Variants in OLAH observed in about 807,000 individuals in gnomAD.
OLAH encodes oleoyl-ACP hydrolase.
OLAH carries 33 observed loss-of-function variants against 27.8 expected under a neutral mutation model. The observed-to-expected ratio is 1.19, with a 90% CI of 0.90 to 1.59. The LOEUF is 1.59. Ranked by LOEUF, OLAH falls within the 40% of genes most tolerant of loss-of-function variation. The probability of loss-of-function intolerance (pLI) is 0.00; values close to 1 mark genes in which losing one functional copy is unlikely to be tolerated. For missense variants in OLAH, 359 were observed against 310.8 expected (o/e 1.16, Z -1.17); for synonymous variants, 120 against 102.9 (o/e 1.17, Z -1.01).
chr10:15,068,756 T>C (rs1844520787), intron 6 of OLAH, among the ~76,000 whole-genome samples: 2 of 152,186 alleles, frequency 1.3e-5, no homozygotes, highest in South Asian at 4.1e-4. Flanking sequence ...CTGAAGGTAA[T>C]GTTTTACACC....
intron 7 of OLAH, among the ~76,000 whole-genome samples, chr10:15,072,462 TAAAG>T (rs1258289946): frequency 6.6e-6 from 1 of 152,040 alleles, no homozygotes; most frequent in African/African-American, 2.4e-5. Flanking sequence ...GTGTAAGAGT[TAAAG>T]AAAGAGGAAA....
upstream of OLAH, among the ~76,000 whole-genome samples, chr10:15,043,151 C>T (rs546290189): frequency 1.3e-3 from 195 of 152,160 alleles, 1 homozygote; most frequent in Admixed American, 2.4e-3. Context: ...TGAGCCACCG[C>T]GTCCAGCCAT....
Position 15,073,136 on chromosome 10 carries a change from G to T in OLAH, c.705G>T (p.Gly235=). ...ATGCTAAAATTTACCAGCTTCCAGGGGGTCACTTTTATCTTCTGGATCCTG... is the reference window on the plus strand; with the variant it reads ...ATGCTAAAATTTACCAGCTTCCAGGTGGTCACTTTTATCTTCTGGATCCTG... ...SGNAKIYQLP[G]GHFYLLDPAN... is the part of the protein sequence containing the mutation. The change falls in exon 8 of 8, where the codon GGG becomes GGT. Residue 235 remains glycine, a synonymous_variant. Coordinates refer to ENST00000378228, the MANE Select transcript of OLAH (RefSeq NM_001039702.3). The T allele has an allele frequency of 6.2e-7, 1 of 1,612,842 alleles. No individual in the cohort carries two copies. Among genetic ancestry groups the T allele is most frequent in the Non-Finnish European group, 8.5e-7 (1 of 1,179,012 alleles).
intron 6 of OLAH, among the ~76,000 whole-genome samples, chr10:15,070,561 C>G (rs575753042): frequency 6.6e-6 from 1 of 151,296 alleles, no homozygotes; most frequent in Non-Finnish European, 1.5e-5. Context: ...CTTGGCTCAC[C>G]GCAACCTCTG....
At chr10:15,049,859 G>T in intron 3 of OLAH, 94 bp downstream of exon 3, 1 of 1,178,666 alleles carries the variant, frequency 8.5e-7, no homozygotes, top group Admixed American at 2.8e-5. Context: ...TTCCTTCCTG[G>T]TAGGTAATTG....
chr10:15,049,580 A>G, intron 2 of OLAH, 55 bp from the exon 3 acceptor site: 1 of 1,129,466 alleles, frequency 8.9e-7, no homozygotes, highest in Non-Finnish European at 1.3e-6. Flanking sequence ...GTAATTCAGT[A>G]TAGGGAACTT....
rs190650957 is a variant in OLAH, at chr10:15,046,310, C to T, written c.-163-816C>T. Among the ~76,000 whole-genome samples, 718 of 136,010 alleles carry T rather than the reference C, an allele frequency of 5.3e-3. 5 individuals are homozygous for T. The highest frequency in any genetic ancestry group is 0.019 in the African/African-American group (660 of 34,218). The allele number at this position is 136,010 out of a possible 152,430, so 89.2% of individuals were successfully genotyped here. A position where few individuals can be genotyped will look rare whatever the true frequency, so the allele number is the denominator to read the frequency against. On this transcript the variant is annotated intron_variant, in intron 1 of 7. Transcript: ENST00000378228. ...CAGCCTGGGCAACAGAGTGAGACTCCGTCTCAAAAAAATATAAATAAATAA... is the reference window on the plus strand; with the variant it reads ...CAGCCTGGGCAACAGAGTGAGACTCTGTCTCAAAAAAATATAAATAAATAA...
chr10:15,069,655 T>G (rs1589254359), intron 6 of OLAH, among the ~76,000 whole-genome samples: 2 of 152,220 alleles, frequency 1.3e-5, no homozygotes, highest in East Asian at 3.9e-4. Context: ...TCACTTGAGG[T>G]CAGGAGTTCG....
intron 2 of OLAH, among the ~76,000 whole-genome samples, chr10:15,048,369 C>A (rs559633944): frequency 6.6e-6 from 1 of 152,268 alleles, no homozygotes; most frequent in Non-Finnish European, 1.5e-5. Context: ...AGGTGCCCAC[C>A]ACCACACCCA....
rs1844369530 is a variant in OLAH, at chr10:15,061,781, A to G, written c.221A>G (p.Asp74Gly). Reference protein sequence around the residue: ...ESRVEEPLENDISQLVDEVVC... With the variant: ...ESRVEEPLENGISQLVDEVVC... ...AGAGTTGAAGAACCTCTTGAAAATG[A>G]CATCTCCCAGTTAGTTGATGAAGTT... Residue 74 changes from aspartate (D) to glycine (G), a missense_variant, in exon 4 of 8, where the codon GAC (aspartate) becomes GGC (glycine). Transcript: ENST00000378228. 1.9e-6 allele frequency: 3 copies of G among 1,613,836 alleles called. No homozygotes were observed. In the East Asian group the frequency reaches 6.7e-5, roughly 36 times the overall value.
intron 1 of OLAH, among the ~76,000 whole-genome samples, chr10:15,036,309 G>A (rs1843839787): frequency 1.3e-5 from 2 of 152,028 alleles, no homozygotes; most frequent in African/African-American, 4.8e-5. Flanking sequence ...ACCAGCCTGG[G>A]CAAAATGGCG....
chr10:15,055,578 G>T (rs191078649), intron 3 of OLAH, among the ~76,000 whole-genome samples: 84 of 152,192 alleles, frequency 5.5e-4, no homozygotes, highest in African/African-American at 2.0e-3. Flanking sequence ...AATTCCTAAA[G>T]GTCTTTTTAG....
At chr10:15,062,635 C>T (rs1458229519) in intron 4 of OLAH, among the ~76,000 whole-genome samples, 2 of 151,406 alleles carry the variant, frequency 1.3e-5, no homozygotes, top group Non-Finnish European at 2.9e-5. Flanking sequence ...ATATCTTTCA[C>T]ATCCTGTAAG....
intron 3 of OLAH, among the ~76,000 whole-genome samples, chr10:15,053,766 G>C (rs563523886): frequency 6.6e-6 from 1 of 151,924 alleles, no homozygotes; most frequent in African/African-American, 2.4e-5. Flanking sequence ...CCAGGCTGGA[G>C]TGTGGTGGTG....
intron 3 of OLAH, chr10:15,056,835 C>A: frequency 1.3e-6 from 2 of 1,502,184 alleles, no homozygotes; most frequent in African/African-American, 1.4e-5. Context: ...GACAGCATCT[C>A]ACCATGTTGC....
intron 1 of OLAH, among the ~76,000 whole-genome samples, chr10:15,045,936 C>T (rs2131338728): frequency 6.6e-6 from 1 of 152,208 alleles, no homozygotes; most frequent in South Asian, 2.1e-4. Context: ...GAGGCTAAGG[C>T]ACAGGAATTG....
chr10:15,032,377 C>T (rs1260628278), intron 1 of OLAH: 1 of 151,470 alleles, frequency 6.6e-6, no homozygotes, highest in Non-Finnish European at 1.5e-5. Context: ...TAATAAACTC[C>T]CCTTTATACA....
chr10:15,051,878 T>C (rs1844150826), intron 3 of OLAH, among the ~76,000 whole-genome samples: 1 of 152,216 alleles, frequency 6.6e-6, no homozygotes, highest in Non-Finnish European at 1.5e-5. Flanking sequence ...TTGTGGGATA[T>C]ACAGTGCTTG....
upstream of OLAH, among the ~76,000 whole-genome samples, chr10:15,041,584 T>G (rs898320876): frequency 6.7e-6 from 1 of 150,358 alleles, no homozygotes; most frequent in African/African-American, 2.5e-5. Flanking sequence ...AGCCATTTTT[T>G]TTTTCTTTTG....
Sources: gnomAD v4.1 joint callset for allele counts (sites outside exome capture counted in the v4.1 genomes callset) on GRCh38, gnomAD v4.1.1 for gene constraint, MANE v1.5 for transcripts, NCBI Gene and HGNC (gene_info 2026-07-23, HGNC 2026-07-21) for gene names.